The following IMPG2 variants were observed in gnomAD, a reference collection of about 807,000 sequenced individuals.
IMPG2 encodes the protein IPM 200.
IMPG2 carries 91 observed loss-of-function variants against 129.2 expected under a neutral mutation model. The observed-to-expected ratio is 0.70, with a 90% CI of 0.59 to 0.84. The LOEUF (loss-of-function observed/expected upper bound fraction) is 0.84, where lower values mean the gene tolerates loss of function less well. IMPG2 is among the 40% of genes least tolerant of loss of function. IMPG2 has a pLI of 0.00. For synonymous variants in IMPG2, 510 were observed against 517.7 expected, an observed-to-expected ratio of 0.99 and a Z score of 0.20; for missense variants, 1,430 against 1,461.7, an observed-to-expected ratio of 0.98 and a Z score of 0.35.
intron 3 of IMPG2, among the ~76,000 whole-genome samples, chr3:101,303,719 T>C (rs1301961542): frequency 6.6e-6 from 1 of 152,198 alleles, no homozygotes; most frequent in Non-Finnish European, 1.5e-5. Flanking sequence ...CACTAAACAT[T>C]TATTCAAATG....
chr3:101,293,952 G>A (rs1364761068), intron 3 of IMPG2, among the ~76,000 whole-genome samples: 1 of 152,200 alleles, frequency 6.6e-6, no homozygotes, highest in Non-Finnish European at 1.5e-5. Context: ...TTAAGGGAAT[G>A]TTATGGCTGG....
intron 4 of IMPG2, 128 bp from the exon 5 acceptor site, chr3:101,276,841 CA>C (rs1706844911): frequency 1.5e-6 from 1 of 667,292 alleles, no homozygotes; most frequent in South Asian, 1.8e-5. Flanking sequence ...GCAAAAGTAC[CA>C]AAAAGCAAAG....
chr3:101,239,940 G>C (rs1212844781), intron 14 of IMPG2, among the ~76,000 whole-genome samples: 1 of 152,008 alleles, frequency 6.6e-6, no homozygotes, highest in African/African-American at 2.4e-5. Flanking sequence ...CTAGAGGAGG[G>C]ATAGCTTTAG....
At position 101,232,910 on chromosome 3, in the gene IMPG2, T is replaced by G; in HGVS notation, c.3104A>C (p.Lys1035Thr). The change falls in exon 15 of 19, where the codon AAG (lysine) becomes ACG (threonine). Residue 1035 changes from lysine (K) to threonine (T), a missense_variant. Physicochemically the swap from Lys to Thr is moderately conservative, Grantham distance 78. Coordinates refer to ENST00000193391, the MANE Select transcript of IMPG2 (RefSeq NM_016247.4). ...CAGGTATCCAGGGAAGCATCTGCAC[T>G]TTGCTTCTCCACTCCAGGGGTTGAC... is the stretch of plus-strand genomic sequence containing the variant. Reference protein sequence around the residue: ...CLVNPWSGEAKCRCFPGYLSV... With the variant: ...CLVNPWSGEATCRCFPGYLSV... 1 of 1,613,952 alleles carries G rather than the reference T, an allele frequency of 6.2e-7. No homozygotes were observed. Among genetic ancestry groups the G allele is most frequent in the Non-Finnish European group, 8.5e-7 (1 of 1,179,972 alleles).
chr3:101,296,413 C>A (rs928690568), intron 3 of IMPG2, among the ~76,000 whole-genome samples: 2 of 152,158 alleles, frequency 1.3e-5, no homozygotes, highest in Non-Finnish European at 2.9e-5. Flanking sequence ...AGGGATGAAG[C>A]CAGTTTGATC....
chr3:101,306,100 G>A (rs1707186624), intron 2 of IMPG2, among the ~76,000 whole-genome samples: 1 of 152,134 alleles, frequency 6.6e-6, no homozygotes, highest in African/African-American at 2.4e-5. Context: ...TTGATACCAT[G>A]GGTAACTTAC....
At chr3:101,311,713 T>TA (rs1432805729) in intron 2 of IMPG2, among the ~76,000 whole-genome samples, 1 of 152,166 alleles carries the variant, frequency 6.6e-6, no homozygotes, top group Non-Finnish European at 1.5e-5. Context: ...ACAACCTTAC[T>TA]ATAAAATTTA....
At chr3:101,260,655 C>G (rs113797824) in intron 9 of IMPG2, among the ~76,000 whole-genome samples, 13 of 152,118 alleles carry the variant, frequency 8.5e-5, no homozygotes, top group African/African-American at 1.9e-4. Context: ...ACCTCCCAAC[C>G]CTTATATCTT....
intron 3 of IMPG2, among the ~76,000 whole-genome samples, chr3:101,291,988 G>A (rs191682571): frequency 3.3e-5 from 5 of 152,156 alleles, no homozygotes; most frequent in African/African-American, 1.2e-4. Flanking sequence ...TATTCCCCAG[G>A]GGCATTCTAA....
chr3:101,265,785 A>T (rs1019393561), intron 9 of IMPG2, among the ~76,000 whole-genome samples: 3 of 152,208 alleles, frequency 2.0e-5, no homozygotes, highest in African/African-American at 7.2e-5. Context: ...GATAGAAAAT[A>T]TTTGAAAACT....
At chr3:101,245,622 T>A (rs1305706962) in intron 12 of IMPG2, among the ~76,000 whole-genome samples, 180 bp downstream of exon 12, 2 of 152,204 alleles carry the variant, frequency 1.3e-5, no homozygotes, top group Non-Finnish European at 2.9e-5. Flanking sequence ...ATTTACCTAT[T>A]TGGATTCTCC....
intron 18 of IMPG2, among the ~76,000 whole-genome samples, 195 bp downstream of exon 18, chr3:101,228,602 A>G (rs975676267): frequency 8.5e-5 from 13 of 152,256 alleles, no homozygotes; most frequent in Admixed American, 7.9e-4. Flanking sequence ...CACTCAATTT[A>G]CAAAGCCCTT....
intron 4 of IMPG2, among the ~76,000 whole-genome samples, chr3:101,282,241 T>C (rs1448237789): frequency 6.6e-6 from 1 of 151,992 alleles, no homozygotes; most frequent in Admixed American, 6.6e-5. Flanking sequence ...TTTTAATGGA[T>C]GATGGTAATA....
chr3:101,229,701 A>T lies in IMPG2; in HGVS notation c.3423-111T>A, dbSNP rs1576742107. 6 of 887,814 alleles carry T rather than the reference A, an allele frequency of 6.8e-6. No homozygotes were observed. The East Asian group carries it at 1.6e-4, about 23-fold the overall frequency. 55.0% of individuals were successfully genotyped at this position (887,814 alleles called of 1,614,324 possible). A position where few individuals can be genotyped will look rare whatever the true frequency, so the allele number is the denominator to read the frequency against. On this transcript the variant is annotated intron_variant, in intron 16 of 18. Transcript: ENST00000193391. ...GAAGAAAAACAGGTGCACTTTACAC[A>T]AATGGTGGGACATAACTGTGAAAAA...
At chr3:101,298,870 A>T (rs946346330) in intron 3 of IMPG2, among the ~76,000 whole-genome samples, 1 of 152,048 alleles carries the variant, frequency 6.6e-6, no homozygotes, top group Non-Finnish European at 1.5e-5. Flanking sequence ...TCTGATGATT[A>T]TGTGTCTTGG....
chr3:101,263,326 A>C (rs1706689842), intron 9 of IMPG2, among the ~76,000 whole-genome samples: 4 of 152,040 alleles, frequency 2.6e-5, no homozygotes, highest in African/African-American at 7.2e-5. Flanking sequence ...CAAGTCTCAA[A>C]AAATTTTTTT....
intron 4 of IMPG2, among the ~76,000 whole-genome samples, chr3:101,289,134 C>A (rs1706978070): frequency 6.6e-6 from 1 of 152,102 alleles, no homozygotes. Flanking sequence ...CTGCTAAAGG[C>A]TACATGGTAG....
intron 9 of IMPG2, among the ~76,000 whole-genome samples, chr3:101,258,146 A>G (rs750303975): frequency 4.2e-4 from 64 of 152,030 alleles, no homozygotes; most frequent in Non-Finnish European, 8.7e-4. Context: ...ATTTTTAAAA[A>G]CAGTCTTTCT....
intron 12 of IMPG2, 37 bp downstream of exon 12, chr3:101,245,765 A>C (rs1706469014): frequency 3.2e-6 from 5 of 1,576,546 alleles, no homozygotes; most frequent in Non-Finnish European, 4.4e-6. Context: ...GTCATCGGAT[A>C]CAATAAGAAG....
Sources: gnomAD v4.1 joint callset for allele counts (sites outside exome capture counted in the v4.1 genomes callset) on GRCh38, gnomAD v4.1.1 for gene constraint, MANE v1.5 for transcripts, NCBI Gene and HGNC (gene_info 2026-07-23, HGNC 2026-07-21) for gene names.